LRRC4C: variants seen among roughly 807,000 people sequenced by gnomAD.
The protein encoded by LRRC4C is leucine-rich repeat-containing protein 4C.
Under a neutral mutation model 33.6 loss-of-function variants are expected in LRRC4C, and 5 were observed. The ratio of observed to expected loss-of-function variants is 0.15; its 90% CI spans 0.08 to 0.31. LRRC4C has a LOEUF of 0.31. Ranked by LOEUF, LRRC4C falls within the 10% of genes least tolerant of loss-of-function variation. The pLI is 1.00. For synonymous variants in LRRC4C, 329 were observed against 302.0 expected (o/e 1.09, Z -0.93); for missense variants, 560 against 796.7 (o/e 0.70, Z 3.58).
chr11:40,343,711 G>GAAAAAAAA (rs5791374), intron 3 of LRRC4C, among the ~76,000 whole-genome samples: 18 of 104,724 alleles, frequency 1.7e-4, no homozygotes, highest in East Asian at 7.1e-4. Context: ...TTGTTTTTTT[G>GAAAAAAAA]AAAAAAAAAA....
intron 2 of LRRC4C, among the ~76,000 whole-genome samples, chr11:40,792,091 A>G (rs1447288605): frequency 6.6e-6 from 1 of 152,162 alleles, no homozygotes; most frequent in Non-Finnish European, 1.5e-5. Flanking sequence ...AGAACCAGCA[A>G]ATCAATTACA....
chr11:40,409,053 A>G (rs1212125083), intron 3 of LRRC4C, among the ~76,000 whole-genome samples: 1 of 152,080 alleles, frequency 6.6e-6, no homozygotes, highest in Non-Finnish European at 1.5e-5. Context: ...ATAAAAACAG[A>G]CACACAGATT....
intron 4 of LRRC4C, among the ~76,000 whole-genome samples, chr11:40,300,959 G>A (rs946326848): frequency 6.6e-6 from 1 of 152,202 alleles, no homozygotes; most frequent in Admixed American, 6.5e-5. Flanking sequence ...CACTGTACCA[G>A]GCTCTCTGGA....
intron 2 of LRRC4C, among the ~76,000 whole-genome samples, chr11:40,714,800 T>G (rs1946628155): frequency 6.6e-6 from 1 of 152,232 alleles, no homozygotes; most frequent in African/African-American, 2.4e-5. Context: ...TGGTTTATTA[T>G]GACTAACCTG....
intron 4 of LRRC4C, among the ~76,000 whole-genome samples, chr11:40,262,806 G>A (rs537082651): frequency 1.3e-5 from 2 of 152,152 alleles, no homozygotes; most frequent in African/African-American, 4.8e-5. Flanking sequence ...ACAGGGAGGG[G>A]AACATCACAC....
At chr11:40,350,286 G>T (rs1002962880) in intron 3 of LRRC4C, among the ~76,000 whole-genome samples, 1 of 152,002 alleles carries the variant, frequency 6.6e-6, no homozygotes. Flanking sequence ...AGATATAGGG[G>T]TCTAGATTTA....
chr11:40,206,085 A>G (rs1464145001), intron 5 of LRRC4C, among the ~76,000 whole-genome samples: 1 of 152,170 alleles, frequency 6.6e-6, no homozygotes, highest in Admixed American at 6.5e-5. Flanking sequence ...GGGCAAAGTT[A>G]TTTATCTTAT....
intron 5 of LRRC4C, among the ~76,000 whole-genome samples, chr11:40,143,115 T>A (rs1025187258): frequency 5.9e-5 from 9 of 152,174 alleles, no homozygotes; most frequent in African/African-American, 1.7e-4. Context: ...CACCTTTATA[T>A]CCTATCACCC....
chr11:40,199,429 C>T (rs565319764), intron 5 of LRRC4C, among the ~76,000 whole-genome samples: 9 of 152,128 alleles, frequency 5.9e-5, no homozygotes, highest in Non-Finnish European at 1.2e-4. Context: ...TTACATAAGG[C>T]CTTGTGGGTC....
intron 1 of LRRC4C, among the ~76,000 whole-genome samples, chr11:40,955,259 G>T (rs867970209): frequency 3.3e-5 from 5 of 151,788 alleles, no homozygotes; most frequent in Non-Finnish European, 7.4e-5. Flanking sequence ...CCTAGAAAAT[G>T]GTACATGTGA....
intron 2 of LRRC4C, among the ~76,000 whole-genome samples, chr11:40,764,224 C>T (rs1222105132): frequency 1.3e-5 from 2 of 152,164 alleles, no homozygotes; most frequent in Admixed American, 1.3e-4. Flanking sequence ...AGAAGGAAAC[C>T]TGTTGCCTTG....
At chr11:40,218,147 T>C (rs575082029) in intron 5 of LRRC4C, among the ~76,000 whole-genome samples, 20 of 152,288 alleles carry the variant, frequency 1.3e-4, no homozygotes, top group African/African-American at 4.8e-4. Flanking sequence ...TGTGCAGTTT[T>C]ATATAACTAA....
At chr11:40,313,353 A>C (rs952783435) in intron 4 of LRRC4C, among the ~76,000 whole-genome samples, 1 of 151,984 alleles carries the variant, frequency 6.6e-6, no homozygotes, top group East Asian at 1.9e-4. Flanking sequence ...AGTGAACAGA[A>C]TAGAGAACCC....
At chr11:41,037,486 G>A (rs1158464859) in intron 1 of LRRC4C, among the ~76,000 whole-genome samples, 1 of 151,924 alleles carries the variant, frequency 6.6e-6, no homozygotes, top group Non-Finnish European at 1.5e-5. Context: ...TTACAGGTGT[G>A]AGCCACTGTG....
intron 2 of LRRC4C, among the ~76,000 whole-genome samples, chr11:40,679,800 G>A (rs1944585606): frequency 6.6e-6 from 1 of 152,170 alleles, no homozygotes; most frequent in South Asian, 2.1e-4. Flanking sequence ...GAGAAACTCT[G>A]CTATGGCAGT....
chr11:41,381,733 A>G (rs1296609894), intron 1 of LRRC4C, among the ~76,000 whole-genome samples: 2 of 151,830 alleles, frequency 1.3e-5, no homozygotes, highest in African/African-American at 4.8e-5. Flanking sequence ...GGAAATAAGA[A>G]AAACTGAAAA....
chr11:40,971,294 C>A (rs895441632), intron 1 of LRRC4C, among the ~76,000 whole-genome samples: 10 of 152,210 alleles, frequency 6.6e-5, no homozygotes, highest in South Asian at 2.1e-4. Flanking sequence ...CTGCCCTGCA[C>A]ATCCTCAGGA....
At chr11:40,253,729 C>T (rs991858418) in intron 4 of LRRC4C, among the ~76,000 whole-genome samples, 7 of 152,104 alleles carry the variant, frequency 4.6e-5, no homozygotes, top group South Asian at 4.1e-4. Context: ...AATCCTGGCT[C>T]GACGTAAGCC....
intron 2 of LRRC4C, among the ~76,000 whole-genome samples, chr11:40,900,780 C>T (rs1252355017): frequency 6.6e-6 from 1 of 151,786 alleles, no homozygotes; most frequent in African/African-American, 2.4e-5. Flanking sequence ...ATCTTTTGTT[C>T]TATATTCAAT....
Sources: allele counts gnomAD v4.1 joint callset (sites outside exome capture counted in the v4.1 genomes callset), GRCh38; gene constraint gnomAD v4.1.1; transcripts MANE v1.5; gene names NCBI Gene and HGNC (gene_info 2026-07-23, HGNC 2026-07-21).